PPARD: variants seen among roughly 807,000 people sequenced by gnomAD.
PPARD encodes the protein peroxisome proliferator-activated receptor delta.
In PPARD, 6 loss-of-function variants were observed where a neutral mutation model predicts 39.5. The ratio of observed to expected loss-of-function variants is 0.15; its 90% CI spans 0.08 to 0.30. The LOEUF (loss-of-function observed/expected upper bound fraction) is 0.30, where lower values mean the gene tolerates loss of function less well. Among genes scored for constraint, PPARD ranks in the 10% least tolerant of loss-of-function variants. The pLI, the probability that PPARD is intolerant of heterozygous loss-of-function variation, is 1.00. For synonymous variants in PPARD, 210 were observed against 231.3 expected (o/e 0.91, Z 0.83); for missense variants, 397 against 596.8 (o/e 0.67, Z 3.49).
intron 4 of PPARD, among the ~76,000 whole-genome samples, chr6:35,421,414 T>G (rs1288396154): frequency 6.6e-6 from 1 of 152,052 alleles, no homozygotes; most frequent in Non-Finnish European, 1.5e-5. Flanking sequence ...CTTGGCTGAC[T>G]GCAACCTCCA....
rs201656538 is a variant in PPARD at position 35,426,760 on chromosome 6, C to T, written c.*681C>T. On this transcript the variant is annotated 3_prime_UTR_variant, in exon 8 of 8. Coordinates refer to ENST00000360694, the MANE Select transcript of PPARD (RefSeq NM_006238.5). ...CCTCCCCAAGACTGTCATTGCCCCT[C>T]CGATGCTGAGGCCACCCACTGACCC... 6.5e-6 allele frequency: 1 copy of T among 153,026 alleles called. No homozygotes were observed. The highest frequency in any genetic ancestry group is 1.5e-5 in the Non-Finnish European group (1 of 68,606). 9.5% of individuals were successfully genotyped at this position (153,026 alleles called of 1,614,324 possible). A position where few individuals can be genotyped will look rare whatever the true frequency, so the allele number is the denominator to read the frequency against.
Position 35,420,202 on chromosome 6 carries a change from G to T in PPARD, c.206G>T (p.Ser69Ile), listed in dbSNP as rs148026961. Residue 69 changes from serine to isoleucine, a missense_variant, in exon 4 of 8, where the codon AGC becomes ATC. Coordinates refer to ENST00000360694, the MANE Select transcript of PPARD (RefSeq NM_006238.5). The stretch of plus-strand genomic sequence containing the variant: ...GGCTGTGACGGGGCCTCATGCGGCA[G>T]CCTCAACATGGAGTGCCGGGTGTGC... ...QMGCDGASCG[S>I]LNMECRVCGD... 3 of 1,612,630 alleles carry T rather than the reference G, an allele frequency of 1.9e-6. No individual in the cohort carries two copies. The highest frequency in any genetic ancestry group is 2.7e-5 in the African/African-American group (2 of 74,856).
intron 2 of PPARD, among the ~76,000 whole-genome samples, chr6:35,357,903 G>C (rs1200732042): frequency 6.6e-6 from 1 of 152,114 alleles, no homozygotes; most frequent in Non-Finnish European, 1.5e-5. Context: ...CGCTGCCAAG[G>C]CTCCTAATCT....
chr6:35,421,807 C>T lies in PPARD; in HGVS notation c.286-13C>T. 1 of 1,602,932 alleles carries T rather than the reference C, an allele frequency of 6.2e-7. No homozygotes were observed. Among genetic ancestry groups the T allele is most frequent in the Non-Finnish European group, 8.5e-7 (1 of 1,173,380 alleles). Reference sequence around the variant, plus strand: ...TCCTGGTGGCCTTTCCTCACCTGTTCTTGGTGCTTCAGGGCTTCTTCCGTC... The same window carrying T: ...TCCTGGTGGCCTTTCCTCACCTGTTTTTGGTGCTTCAGGGCTTCTTCCGTC... On this transcript the variant is annotated splice_polypyrimidine_tract_variant and intron_variant, in intron 4 of 7. Transcript: ENST00000360694.
intron 2 of PPARD, among the ~76,000 whole-genome samples, chr6:35,384,752 T>C (rs1763479805): frequency 1.6e-5 from 1 of 62,226 alleles, no homozygotes; most frequent in Non-Finnish European, 2.8e-5. Context: ...GAGGAGCCCC[T>C]CTGCCCGGCC....
At position 35,426,175 on chromosome 6, in the gene PPARD, G is replaced by A. The variant is rs1267307553; in HGVS notation, c.*96G>A. On this transcript the variant is annotated 3_prime_UTR_variant, in exon 8 of 8. Coordinates refer to ENST00000360694, the MANE Select transcript of PPARD (RefSeq NM_006238.5). ...CCATTGACCAGCCCTTGAGCACCCG[G>A]CCTGGAGCAGCAGAGTCCCACGATC... 8 of 1,495,044 alleles carry A rather than the reference G, an allele frequency of 5.4e-6. No individual in the cohort carries two copies. The highest frequency in any genetic ancestry group is 2.4e-5 in the East Asian group (1 of 42,282). The allele number at this position is 1,495,044 out of a possible 1,614,324, so 92.6% of individuals were successfully genotyped here.
At chr6:35,351,704 C>T (rs111297952) in intron 2 of PPARD, among the ~76,000 whole-genome samples, 3,193 of 152,144 alleles carry the variant, frequency 0.021, 68 homozygotes, top group African/African-American at 0.052. Context: ...CAGGTATGTG[C>T]TACCATGCCC....
At chr6:35,422,278 C>G (rs964395964) in intron 5 of PPARD, among the ~76,000 whole-genome samples, 16 of 152,216 alleles carry the variant, frequency 1.1e-4, no homozygotes, top group South Asian at 2.1e-4. Flanking sequence ...ATTTGGGGAA[C>G]ACCAGTCCCA....
At position 35,347,141 on chromosome 6, in the gene PPARD, C is replaced by T. The variant is rs867357844; in HGVS notation, c.-111C>T. 2.0e-6 allele frequency: 3 copies of T among 1,536,128 alleles called. No individual in the cohort carries two copies. Among genetic ancestry groups the T allele is most frequent in the African/African-American group, 1.4e-5 (1 of 73,170 alleles). On this transcript the variant is annotated 5_prime_UTR_variant, in exon 2 of 8. Transcript: ENST00000360694. Reference sequence around the variant, plus strand: ...GCTCACCAACAGATGAAGACAGATGCACCAACGAGGTAATCCCATTTTCTT... The same window carrying T: ...GCTCACCAACAGATGAAGACAGATGTACCAACGAGGTAATCCCATTTTCTT...
chr6:35,347,775 A>AT (rs1263089873), intron 2 of PPARD, among the ~76,000 whole-genome samples: 1 of 150,868 alleles, frequency 6.6e-6, no homozygotes, highest in Non-Finnish European at 1.5e-5. Context: ...CGCCCGGCTA[A>AT]TTTTTGTATT....
chr6:35,369,874 C>T (rs1186940924), intron 2 of PPARD, among the ~76,000 whole-genome samples: 7 of 152,216 alleles, frequency 4.6e-5, no homozygotes. Context: ...CAGTCACCTT[C>T]TCTGTCTCCC....
intron 2 of PPARD, among the ~76,000 whole-genome samples, chr6:35,388,335 G>A (rs1763803121): frequency 6.6e-6 from 1 of 152,150 alleles, no homozygotes; most frequent in Admixed American, 6.5e-5. Context: ...ATCTGCAGAG[G>A]AGCCTGGTGG....
chr6:35,410,005 C>T (rs1232501752), intron 2 of PPARD, among the ~76,000 whole-genome samples: 1 of 152,172 alleles, frequency 6.6e-6, no homozygotes, highest in East Asian at 1.9e-4. Flanking sequence ...AGTCTCTGAT[C>T]ACTCCAGGTT....
chr6:35,364,989 G>A (rs552564979), intron 2 of PPARD, among the ~76,000 whole-genome samples: 37 of 151,996 alleles, frequency 2.4e-4, no homozygotes, highest in Admixed American at 6.5e-4. Context: ...GATTACAGGC[G>A]TGAGCCACCG....
rs866644162 is a variant in PPARD, at chr6:35,366,898, A to G, written c.-102+19748A>G. 2.0e-5 allele frequency among the ~76,000 whole-genome samples: 3 copies of G among 152,176 alleles called. No individual in the cohort carries two copies. The highest frequency in any genetic ancestry group is 7.2e-5 in the African/African-American group (3 of 41,442). ...ATATTCTTTCTTCGAAATGACCACA[A>G]AAAGAAGGTATTACTGATTAATATG... On this transcript the variant is annotated intron_variant, in intron 2 of 7. Coordinates refer to ENST00000360694, the MANE Select transcript of PPARD (RefSeq NM_006238.5). This position sits in a 1 kb window ranked among gnomAD's most constrained non-coding sequence, Gnocchi z 4.6.
chr6:35,415,045 C>G (rs1167835895), intron 3 of PPARD, among the ~76,000 whole-genome samples: 1 of 152,204 alleles, frequency 6.6e-6, no homozygotes, highest in Non-Finnish European at 1.5e-5. Context: ...CATTCTCATC[C>G]CTCCTGCTTC....
rs1554210477 is a variant in PPARD at position 35,401,199 on chromosome 6, C to T, written c.-101-9788C>T. Among the ~76,000 whole-genome samples the T allele has an allele frequency of 6.6e-6, 1 of 152,086 alleles. No homozygotes were observed. The highest frequency in any genetic ancestry group is 1.5e-5 in the Non-Finnish European group (1 of 68,004). The stretch of plus-strand genomic sequence containing the variant: ...AGGTACTCAGCTCTGAGTCAGGGCC[C>T]CATCCCTCAACTCCTCAGCCTGAGT... On this transcript the variant is annotated intron_variant, in intron 2 of 7. Transcript: ENST00000360694. The surrounding 1 kb of genome is among the most constrained non-coding windows in gnomAD (Gnocchi z 4.1).
chr6:35,364,222 A>G (rs1489755762), intron 2 of PPARD, among the ~76,000 whole-genome samples: 1 of 152,096 alleles, frequency 6.6e-6, no homozygotes, highest in Non-Finnish European at 1.5e-5. Flanking sequence ...GTAGCATATA[A>G]TAGTACTGTA....
chr6:35,389,894 G>A (rs768981025), intron 2 of PPARD, among the ~76,000 whole-genome samples: 195 of 152,312 alleles, frequency 1.3e-3, no homozygotes, highest in Non-Finnish European at 2.1e-3. Flanking sequence ...CATTTCTGAA[G>A]GGCCCTGGTG....
Sources: gnomAD v4.1 joint callset for allele counts (sites outside exome capture counted in the v4.1 genomes callset) on GRCh38, gnomAD v4.1.1 for gene constraint, Gnocchi (gnomAD v3.1) non-coding constraint, MANE v1.5 for transcripts, NCBI Gene and HGNC (gene_info 2026-07-23, HGNC 2026-07-21) for gene names.